The following DSP variants were observed in gnomAD, a reference collection of about 807,000 sequenced individuals.
DSP encodes desmoplakin.
DSP carries 114 observed loss-of-function variants against 290.6 expected under a neutral mutation model. The observed-to-expected ratio is 0.39, with a 90% CI of 0.34 to 0.46. DSP has a LOEUF of 0.46. Among genes scored for constraint, DSP ranks in the 20% least tolerant of loss-of-function variants. DSP has a pLI of 0.99. For synonymous variants in DSP, 1,311 were observed against 1,316.4 expected, an observed-to-expected ratio of 1.00 and a Z score of 0.09; for missense variants, 3,230 against 3,495.8, an observed-to-expected ratio of 0.92 and a Z score of 1.92.
chr6:7,561,245 C>T (rs1045520019), intron 4 of DSP, among the ~76,000 whole-genome samples: 1 of 152,174 alleles, frequency 6.6e-6, no homozygotes, highest in Non-Finnish European at 1.5e-5. Context: ...AGCCACCACG[C>T]CCAGCCAGTT....
At chr6:7,543,967 GCT>G (rs1369948947) in intron 1 of DSP, among the ~76,000 whole-genome samples, 14 of 152,078 alleles carry the variant, frequency 9.2e-5, no homozygotes. Context: ...ATCATCCCGT[GCT>G]CTGTTTTTCC....
rs564679712 is a variant in DSP, at chr6:7,555,827, T to C, written c.273+7T>C. On this transcript the variant is annotated splice_region_variant and intron_variant, in intron 2 of 23. Transcript: ENST00000379802. ...AGAGCTCATCGTGCAGCCTGTAAGC[T>C]TTCCCTGTTCCCATCGCTTCTCCCA... 3.1e-6 allele frequency: 5 copies of C among 1,613,148 alleles called. No homozygotes were observed. Among genetic ancestry groups the C allele is most frequent in the Admixed American group, 1.7e-5 (1 of 59,988 alleles).
chr6:7,542,341 G>T (rs888796246), intron 1 of DSP, among the ~76,000 whole-genome samples: 1 of 152,182 alleles, frequency 6.6e-6, no homozygotes, highest in African/African-American at 2.4e-5. Context: ...GGTGGTCAGA[G>T]GGGGCGTCGG....
chr6:7,576,824 T>C, intron 19 of DSP, 135 bp from the exon 20 acceptor site: 3 of 832,242 alleles, frequency 3.6e-6, no homozygotes, highest in Non-Finnish European at 5.7e-6. Context: ...GCTGTAACTA[T>C]AAAAATATGA....
At chr6:7,555,519 CAG>C (rs1758481839) in intron 1 of DSP, among the ~76,000 whole-genome samples, 197 bp from the exon 2 acceptor site, 1 of 152,026 alleles carries the variant, frequency 6.6e-6, no homozygotes, top group South Asian at 2.1e-4. Context: ...TATATACACA[CAG>C]ATAAATACAC....
rs751593871 is a variant in DSP, at chr6:7,574,720, T to C, written c.2361T>C (p.Tyr787=). 2.5e-6 allele frequency: 4 copies of C among 1,614,172 alleles called. No individual in the cohort carries two copies. The highest frequency in any genetic ancestry group is 2.5e-6 in the Non-Finnish European group (3 of 1,180,032). ...AAACAGAAGACATGTTAAAGGTTTA[T>C]GAAGCCAGGCTCACTGAGGAGGAAA... ...ILQTEDMLKV[Y]EARLTEEETV... Residue 787 remains tyrosine (Y), a synonymous_variant, in exon 17 of 24, where the codon TAT becomes TAC. Transcript: ENST00000379802.
chr6:7,572,397 C>A (rs1208945679), intron 15 of DSP, among the ~76,000 whole-genome samples: 1 of 152,104 alleles, frequency 6.6e-6, no homozygotes, highest in Non-Finnish European at 1.5e-5. Flanking sequence ...ATGACACTGA[C>A]ATGAAGAGAT....
At chr6:7,553,616 T>C (rs1249692285) in intron 1 of DSP, among the ~76,000 whole-genome samples, 1 of 152,214 alleles carries the variant, frequency 6.6e-6, no homozygotes, top group African/African-American at 2.4e-5. Context: ...TTGGAAGGTG[T>C]TCTAAGTCAG....
At chr6:7,569,077 A>G in intron 11 of DSP, 109 bp from the exon 12 acceptor site, 2 of 1,483,346 alleles carry the variant, frequency 1.3e-6, no homozygotes, top group Non-Finnish European at 1.9e-6. Context: ...GGAAAAACGT[A>G]AAAGCTTTAA....
chr6:7,567,559 C>A, intron 9 of DSP, 110 bp downstream of exon 9: 1 of 1,217,788 alleles, frequency 8.2e-7, no homozygotes, highest in Non-Finnish European at 1.2e-6. Flanking sequence ...CATAAATCCT[C>A]TTCATTGATT....
In DSP at chr6:7,568,049, C is replaced by T; in HGVS notation, c.1266+143C>T. 5 of 1,302,932 alleles carry T rather than the reference C, an allele frequency of 3.8e-6. No homozygotes were observed. In the African/African-American group the frequency reaches 4.4e-5, roughly 11 times the overall value. The allele number at this position is 1,302,932 out of a possible 1,614,324, so 80.7% of individuals were successfully genotyped here. On this transcript the variant is annotated intron_variant, in intron 10 of 23. Coordinates refer to ENST00000379802, the MANE Select transcript of DSP (RefSeq NM_004415.4). Reference sequence around the variant, plus strand: ...AAGCATTTTCTTCAGCTTCCAGTGGCTTTTCTCAAAATTAACTTCTTTACA... The same window carrying T: ...AAGCATTTTCTTCAGCTTCCAGTGGTTTTTCTCAAAATTAACTTCTTTACA...
At chr6:7,547,001 G>C (rs1278929352) in intron 1 of DSP, among the ~76,000 whole-genome samples, 1 of 152,148 alleles carries the variant, frequency 6.6e-6, no homozygotes, top group Admixed American at 6.5e-5. Flanking sequence ...GGAGGGCTTG[G>C]GTGTGAGACT....
In DSP at chr6:7,585,806, A is replaced by C. The variant is rs201876903; in HGVS notation, c.8544A>C (p.Gly2848=). Residue 2848 remains glycine, a synonymous_variant, in exon 24 of 24, where the codon GGA becomes GGC. Coordinates refer to ENST00000379802, the MANE Select transcript of DSP (RefSeq NM_004415.4). The part of the protein sequence containing the change: ...RSGSRSGSRR[G]SFDATGNSSY... ...GGTCCCGCAGTGGGTCCCGGAGAGG[A>C]AGCTTTGACGCCACAGGGAATTCTT... 49 of 1,610,564 alleles carry C rather than the reference A, an allele frequency of 3.0e-5. 1 individual carries two copies. Among genetic ancestry groups the C allele is most frequent in the Non-Finnish European group, 2.4e-5 (28 of 1,179,082 alleles).
In DSP at chr6:7,583,165, T is replaced by G. The variant is rs1391409186; in HGVS notation, c.5903T>G (p.Phe1968Cys). 3 of 1,613,912 alleles carry G rather than the reference T, an allele frequency of 1.9e-6. No homozygotes were observed. Among genetic ancestry groups the G allele is most frequent in the Non-Finnish European group, 8.5e-7 (1 of 1,179,958 alleles). The change falls in exon 24 of 24, where the codon TTT (phenylalanine) becomes TGT (cysteine). Residue 1968 changes from phenylalanine (F) to cysteine (C), a missense_variant. By Grantham distance (205) the Phe-to-Cys change is radical. Transcript: ENST00000379802. The surrounding 1 kb of genome is among the most constrained non-coding windows in gnomAD (Gnocchi z 4.0). ...ACCGTTGACACCTCCAAGCTGGTGT[T>G]TGATGGGCTGAGGAAGAAGGTGACA... ...EWTVDTSKLV[F>C]DGLRKKVTAM...
In DSP at chr6:7,571,600, CT is replaced by C. The variant is rs1178052202; in HGVS notation, c.1903+19del. ...CACCAGACAGGTCGGCTTGGGACAT[CT>C]TTCTCTTTGTATCAACCATCCATAC... On this transcript the variant is annotated intron_variant, in intron 14 of 23. Coordinates refer to ENST00000379802, the MANE Select transcript of DSP (RefSeq NM_004415.4). 2 of 1,613,878 alleles carry C rather than the reference CT, an allele frequency of 1.2e-6. No individual in the cohort carries two copies. Among genetic ancestry groups the C allele is most frequent in the Admixed American group, 3.3e-5 (2 of 60,012 alleles).
At chr6:7,574,506 G>T in intron 16 of DSP, 151 bp from the exon 17 acceptor site, 1 of 1,108,146 alleles carries the variant, frequency 9.0e-7, no homozygotes, top group Non-Finnish European at 1.3e-6. Context: ...AATACAAAAT[G>T]TTGGTCTGAA....
Position 7,582,817 on chromosome 6 carries a change from G to A in DSP, c.5555G>A (p.Arg1852His), listed in dbSNP as rs193922669. ...TLEAETRVKQ[R>H]LECEKQQIQN... ...GAGGCAGAAACCAGGGTGAAACAGC[G>A]CCTGGAGTGTGAGAAACAGCAAATT... is the stretch of plus-strand genomic sequence containing the variant. The change falls in exon 24 of 24, where the codon CGC becomes CAC. Residue 1852 changes from arginine to histidine, a missense_variant. Arg to His is a conservative substitution (Grantham distance 29, BLOSUM62 0). This residue lies in a region of DSP where 1,714 missense variants were observed against 1,844.5 expected (regional missense o/e 0.93). Coordinates refer to ENST00000379802, the MANE Select transcript of DSP (RefSeq NM_004415.4). The surrounding 1 kb of genome is among the most constrained non-coding windows in gnomAD (Gnocchi z 4.2). 175 of 1,614,050 alleles carry A rather than the reference G, an allele frequency of 1.1e-4. No individual in the cohort carries two copies. The South Asian group carries it at 1.2e-3, about 11-fold the overall frequency.
At chr6:7,578,653 C>T (rs2113690244) in intron 22 of DSP, 91 bp downstream of exon 22, 1 of 1,042,988 alleles carries the variant, frequency 9.6e-7, no homozygotes, top group South Asian at 1.3e-5. Flanking sequence ...GATTTGGACA[C>T]ATCCTGGTGA....
At position 7,558,129 on chromosome 6, in the gene DSP, G is replaced by C. The variant is rs748070943; in HGVS notation, c.287G>C (p.Gly96Ala). The C allele has an allele frequency of 6.2e-7, 1 of 1,614,220 alleles. No individual in the cohort carries two copies. The highest frequency in any genetic ancestry group is 1.1e-5 in the South Asian group (1 of 91,084). Residue 96 changes from glycine (G) to alanine (A), a missense_variant, in exon 3 of 24, where the codon GGA becomes GCA. Around this residue, in one of 5 missense-constraint regions of DSP, gnomAD observed 646 missense variants for 684.3 expected, o/e 0.94. Transcript: ENST00000379802. ...ELIVQPELKY[G>A]DGIQLTRSRE... ...GTTTTCTTTCAGGAATTGAAGTATGGAGATGGAATACAACTGACTCGGAGT... is the reference window on the plus strand; with the variant it reads ...GTTTTCTTTCAGGAATTGAAGTATGCAGATGGAATACAACTGACTCGGAGT...
Sources: gnomAD v4.1 joint callset for allele counts (sites outside exome capture counted in the v4.1 genomes callset) on GRCh38, gnomAD v4.1.1 for gene constraint, gnomAD v4.1.1 regional missense constraint, Gnocchi (gnomAD v3.1) non-coding constraint, MANE v1.5 for transcripts, NCBI Gene and HGNC (gene_info 2026-07-23, HGNC 2026-07-21) for gene names.